CCT2: variants seen among roughly 807,000 people sequenced by gnomAD.
The protein encoded by CCT2 is T-complex protein 1 subunit beta.
In CCT2, 18 loss-of-function variants were observed where a neutral mutation model predicts 61.8. That is an observed-to-expected ratio of 0.29 (90% confidence interval 0.20 to 0.43). CCT2 has a LOEUF of 0.43. Among genes scored for constraint, CCT2 ranks in the 20% least tolerant of loss-of-function variants. CCT2 has a pLI of 1.00. For missense variants in CCT2, 556 were observed against 656.9 expected, an observed-to-expected ratio of 0.85 and a Z score of 1.68; for synonymous variants, 248 against 215.9, an observed-to-expected ratio of 1.15 and a Z score of -1.30.
At chr12:69,591,630 A>G (rs1881838033) in intron 7 of CCT2, among the ~76,000 whole-genome samples, 1 of 152,184 alleles carries the variant, frequency 6.6e-6, no homozygotes. Context: ...GTTTAATTTT[A>G]TTGTCTGTAC....
intron 1 of CCT2, 79 bp from the exon 2 acceptor site, chr12:69,586,191 A>G (rs1385216379): frequency 1.5e-5 from 17 of 1,171,062 alleles, no homozygotes; most frequent in Admixed American, 3.6e-5. Context: ...GTCCACTTGT[A>G]AGACTAGTGG....
intron 6 of CCT2, 174 bp from the exon 7 acceptor site, chr12:69,589,311 T>G: frequency 1.7e-6 from 1 of 587,084 alleles, no homozygotes; most frequent in Non-Finnish European, 3.0e-6. Flanking sequence ...GCCAGTTTGG[T>G]GGGGAAAATA....
rs1394174167 is a variant in CCT2 at position 69,587,887 on chromosome 12, G to A, written c.257-43G>A. ...TGAATATTTTTGGAGAATTTAGTAA[G>A]CAAAGAAGCAATTTTGAGTTAATAA... On this transcript the variant is annotated intron_variant, in intron 4 of 15. Transcript: ENST00000299300. 5.6e-6 allele frequency: 8 copies of A among 1,439,406 alleles called. No individual in the cohort carries two copies. In the South Asian group the frequency reaches 9.2e-5, roughly 17 times the overall value. The allele number at this position is 1,439,406 out of a possible 1,614,324, so 89.2% of individuals were successfully genotyped here. A position where few individuals can be genotyped will look rare whatever the true frequency, so the allele number is the denominator to read the frequency against.
chr12:69,593,166 A>G (rs1881887422), intron 9 of CCT2, 63 bp downstream of exon 9: 1 of 1,411,672 alleles, frequency 7.1e-7, no homozygotes, highest in Non-Finnish European at 9.7e-7. Context: ...CTTCATATTT[A>G]CTTATATTGA....
intron 6 of CCT2, among the ~76,000 whole-genome samples, chr12:69,588,785 A>C (rs990468885): frequency 1.3e-4 from 20 of 152,248 alleles, no homozygotes; most frequent in South Asian, 4.1e-4. Context: ...GCTGCACAGC[A>C]GGTGAGCAGC....
At position 69,588,193 on chromosome 12, in the gene CCT2, T is replaced by C. The variant is rs1222049407; in HGVS notation, c.377T>C (p.Ile126Thr). 1 of 1,614,092 alleles carries C rather than the reference T, an allele frequency of 6.2e-7. No individual in the cohort carries two copies. ...LIAKKIHPQTIIAGWREATKA... is the reference protein window; with the variant it reads ...LIAKKIHPQTTIAGWREATKA... ...GCAAAAAAGATTCATCCACAGACCA[T>C]CATAGCGGGTTGGAGAGAAGCCACG... Residue 126 changes from isoleucine to threonine, a missense_variant, in exon 6 of 16, where the codon ATC becomes ACC. By Grantham distance (89) the Ile-to-Thr change is moderately conservative. Coordinates refer to ENST00000299300, the MANE Select transcript of CCT2 (RefSeq NM_006431.3).
chr12:69,594,193 T>G (rs1253249838), intron 10 of CCT2, among the ~76,000 whole-genome samples: 2 of 152,192 alleles, frequency 1.3e-5, no homozygotes, highest in African/African-American at 2.4e-5. Flanking sequence ...AGACCGTTGT[T>G]AAAATCTGAA....
rs1444229471 is a variant in CCT2 at position 69,589,894 on chromosome 12, T to TAA, written c.649+207_649+208insAA. On this transcript the variant is annotated intron_variant, in intron 7 of 15. Coordinates refer to ENST00000299300, the MANE Select transcript of CCT2 (RefSeq NM_006431.3). ...CAGCATTGTTGATGATCTCTAGAGT[T>TAA]TACTTAACTACCATGAAGTTATTTG... The TAA allele has an allele frequency of 7.0e-6, 4 of 573,894 alleles. No individual in the cohort carries two copies. In the African/African-American group the frequency reaches 7.5e-5, roughly 11 times the overall value. 35.6% of individuals were successfully genotyped at this position (573,894 alleles called of 1,614,324 possible).
At chr12:69,587,721 T>C in intron 4 of CCT2, 105 bp downstream of exon 4, 1 of 753,484 alleles carries the variant, frequency 1.3e-6, no homozygotes, top group Non-Finnish European at 2.3e-6. Flanking sequence ...TGTCAATTGA[T>C]GTCCACTAGT....
rs769582382 is a variant in CCT2 at position 69,597,241 on chromosome 12, A to G, written c.1068A>G (p.Glu356=). 6.2e-7 allele frequency: 1 copy of G among 1,614,052 alleles called. No individual in the cohort carries two copies. Among genetic ancestry groups the G allele is most frequent in the Non-Finnish European group, 8.5e-7 (1 of 1,179,922 alleles). The change falls in exon 11 of 16, where the codon GAA becomes GAG. Residue 356 remains glutamate (E), a synonymous_variant. Coordinates refer to ENST00000299300, the MANE Select transcript of CCT2 (RefSeq NM_006431.3). The part of the protein sequence containing the change: ...CKLIEEVMIG[E]DKLIHFSGVA... ...TTATCGAGGAAGTCATGATTGGAGAAGACAAACTCATTCACTTTTCTGGGG... is the reference window on the plus strand; with the variant it reads ...TTATCGAGGAAGTCATGATTGGAGAGGACAAACTCATTCACTTTTCTGGGG...
chr12:69,588,529 CTAGT>C (rs1379916263), intron 6 of CCT2: 1 of 279,074 alleles, frequency 3.6e-6, no homozygotes, highest in African/African-American at 2.2e-5. Context: ...TCTTTTTAAC[CTAGT>C]TAAATATTAA....
chr12:69,587,047 T>G (rs1881685864), intron 3 of CCT2: 1 of 424,466 alleles, frequency 2.4e-6, no homozygotes, highest in East Asian at 3.8e-5. Context: ...TCTAATATTC[T>G]GTTTATGTAG....
Position 69,585,535 on chromosome 12 carries a change from C to G in CCT2, c.3+11C>G. ...CTCCTCGGAACCATGGTGAGCCTGA[C>G]TCCCCTGCCTCTTGCCCTACCCCTG... On this transcript the variant is annotated intron_variant, in intron 1 of 15. Coordinates refer to ENST00000299300, the MANE Select transcript of CCT2 (RefSeq NM_006431.3). 6.4e-7 allele frequency: 1 copy of G among 1,570,554 alleles called. No homozygotes were observed. Among genetic ancestry groups the G allele is most frequent in the Non-Finnish European group, 8.6e-7 (1 of 1,156,992 alleles).
intron 10 of CCT2, among the ~76,000 whole-genome samples, chr12:69,596,627 A>G (rs11177739): frequency 0.021 from 3,242 of 152,304 alleles, 101 homozygotes; most frequent in African/African-American, 0.074. Flanking sequence ...AATTAGAGAT[A>G]TCAGGTGCTT....
intron 14 of CCT2, among the ~76,000 whole-genome samples, chr12:69,599,494 T>A (rs1882087288): frequency 6.6e-6 from 1 of 152,164 alleles, no homozygotes; most frequent in African/African-American, 2.4e-5. Flanking sequence ...TTCAAGTGAT[T>A]ATCCTGCCTC....
At position 69,593,062 on chromosome 12, in the gene CCT2, T is replaced by A; in HGVS notation, c.837T>A (p.Val279=). ...AAAAGGAAAAAATGAAGGAGAAAGT[T>A]GAACGTATTCTTAAGCATGGAATAA... The part of the protein sequence containing the change: ...HAEKEKMKEK[V]ERILKHGINC... The change falls in exon 9 of 16, where the codon GTT becomes GTA. Residue 279 remains valine, a synonymous_variant. Coordinates refer to ENST00000299300, the MANE Select transcript of CCT2 (RefSeq NM_006431.3). The A allele has an allele frequency of 1.2e-6, 2 of 1,613,514 alleles. No individual in the cohort carries two copies. The highest frequency in any genetic ancestry group is 8.5e-7 in the Non-Finnish European group (1 of 1,179,466).
Position 69,585,475 on chromosome 12 carries a change from G to A in CCT2, c.-47G>A, listed in dbSNP as rs1211103139. On this transcript the variant is annotated 5_prime_UTR_variant, in exon 1 of 16. Transcript: ENST00000299300. ...GCTTCCTTCAGTCCGCTGGTCCCGA[G>A]CACGAGCTGTGAGGGGATTCACTTG... The A allele has an allele frequency of 3.2e-6, 5 of 1,555,448 alleles. No homozygotes were observed. In the Admixed American group the frequency reaches 5.8e-5, roughly 18 times the overall value.
intron 3 of CCT2, chr12:69,587,030 T>A (rs1168049576): frequency 2.3e-6 from 1 of 436,806 alleles, no homozygotes; most frequent in Non-Finnish European, 4.0e-6. Context: ...CATTTGCACG[T>A]ACATCTTCTA....
Position 69,585,529 on chromosome 12 carries a change from G to T in CCT2, c.3+5G>T. ...GCGGAACTCCTCGGAACCATGGTGA[G>T]CCTGACTCCCCTGCCTCTTGCCCTA... On this transcript the variant is annotated splice_donor_5th_base_variant and intron_variant, in intron 1 of 15. Coordinates refer to ENST00000299300, the MANE Select transcript of CCT2 (RefSeq NM_006431.3). 4 of 1,570,868 alleles carry T rather than the reference G, an allele frequency of 2.5e-6. No individual in the cohort carries two copies. The highest frequency in any genetic ancestry group is 3.5e-6 in the Non-Finnish European group (4 of 1,157,134).
Sources: gnomAD v4.1 joint callset for allele counts (sites outside exome capture counted in the v4.1 genomes callset) on GRCh38, gnomAD v4.1.1 for gene constraint, MANE v1.5 for transcripts, NCBI Gene and HGNC (gene_info 2026-07-23, HGNC 2026-07-21) for gene names.